Variants in NALF1 observed in about 807,000 individuals in gnomAD.
The protein encoded by NALF1 is NALCN channel auxiliary factor 1.
Under a neutral mutation model 48.4 loss-of-function variants are expected in NALF1, and 3 were observed. The observed-to-expected ratio is 0.06, with a 90% CI of 0.03 to 0.16. The LOEUF (loss-of-function observed/expected upper bound fraction) is 0.16, where lower values mean the gene tolerates loss of function less well. Among genes scored for constraint, NALF1 ranks in the 10% least tolerant of loss-of-function variants. NALF1 has a pLI of 1.00. For missense variants in NALF1, 526 were observed against 571.5 expected (o/e 0.92, Z 0.81); for synonymous variants, 262 against 245.7 (o/e 1.07, Z -0.62).
At chr13:107,611,983 A>G (rs75850458) in intron 1 of NALF1, among the ~76,000 whole-genome samples, 7,619 of 142,410 alleles carry the variant, frequency 0.054, 694 homozygotes, top group African/African-American at 0.19. Context: ...AAGAGAAGAG[A>G]AGAGGAGAGG....
chr13:107,621,375 C>T (rs561145691), intron 1 of NALF1, among the ~76,000 whole-genome samples: 21 of 152,154 alleles, frequency 1.4e-4, no homozygotes, highest in Non-Finnish European at 2.5e-4. Flanking sequence ...TTTCTAATAT[C>T]TATCAAGAAG....
intron 1 of NALF1, among the ~76,000 whole-genome samples, chr13:107,785,285 G>A (rs1247644745): frequency 1.3e-5 from 2 of 152,084 alleles, no homozygotes; most frequent in African/African-American, 2.4e-5. Flanking sequence ...CCACAAAACC[G>A]CTCCCCTCAG....
In NALF1 at chr13:107,250,485, A is replaced by G. The variant is rs962614770; in HGVS notation, c.916-39730T>C. The stretch of plus-strand genomic sequence containing the variant: ...TTGATGATCATATCTTATTTCTCAC[A>G]CAGGACTTTAATGGTGGTTTGAATT... On this transcript the variant is annotated intron_variant, in intron 1 of 2. Transcript: ENST00000375915. Among the ~76,000 whole-genome samples the G allele has an allele frequency of 3.3e-5, 5 of 152,166 alleles. 1 individual carries two copies. The highest frequency in any genetic ancestry group is 7.4e-5 in the Non-Finnish European group (5 of 68,026).
intron 1 of NALF1, among the ~76,000 whole-genome samples, chr13:107,216,405 A>G (rs1409742358): frequency 6.6e-6 from 1 of 152,210 alleles, no homozygotes; most frequent in Non-Finnish European, 1.5e-5. Context: ...ATCGTGATAT[A>G]TTCTGAAAGG....
intron 1 of NALF1, among the ~76,000 whole-genome samples, chr13:107,822,257 G>A (rs1399571912): frequency 6.6e-6 from 1 of 151,916 alleles, no homozygotes; most frequent in African/African-American, 2.4e-5. Context: ...ATGCACTTGT[G>A]TGGTGGAGCT....
At chr13:107,585,618 G>A (rs892053427) in intron 1 of NALF1, among the ~76,000 whole-genome samples, 10 of 152,230 alleles carry the variant, frequency 6.6e-5, no homozygotes, top group African/African-American at 1.4e-4. Context: ...TCTGGATGGC[G>A]GCTCCACTAT....
chr13:107,334,427 G>A, intron 1 of NALF1, among the ~76,000 whole-genome samples: 1 of 152,104 alleles, frequency 6.6e-6, no homozygotes, highest in East Asian at 1.9e-4. Context: ...CAAGCACTCT[G>A]CCCAATCAGC....
intron 1 of NALF1, among the ~76,000 whole-genome samples, chr13:107,211,731 G>A (rs906281266): frequency 5.3e-5 from 8 of 152,030 alleles, no homozygotes; most frequent in Non-Finnish European, 1.0e-4. Flanking sequence ...ACATTTTGCC[G>A]GTTATATTTT....
chr13:107,810,445 A>G (rs1594283772), intron 1 of NALF1, among the ~76,000 whole-genome samples: 1 of 152,080 alleles, frequency 6.6e-6, no homozygotes, highest in Non-Finnish European at 1.5e-5. Context: ...GTTCTTTCCC[A>G]TAACTACCTG....
At chr13:107,329,699 C>A (rs1276280362) in intron 1 of NALF1, among the ~76,000 whole-genome samples, 2 of 147,244 alleles carry the variant, frequency 1.4e-5, no homozygotes, top group African/African-American at 2.5e-5. Flanking sequence ...TGTTCCCCTT[C>A]CTGTGTCCAA....
intron 1 of NALF1, among the ~76,000 whole-genome samples, chr13:107,619,238 C>T (rs9301245): frequency 0.58 from 88,384 of 152,132 alleles, 28,086 homozygotes; most frequent in East Asian, 0.99. Flanking sequence ...TATGTTTATG[C>T]GCTCAGGTCG....
intron 1 of NALF1, among the ~76,000 whole-genome samples, chr13:107,549,957 C>T (rs1298058335): frequency 7.2e-5 from 11 of 151,904 alleles, no homozygotes; most frequent in Non-Finnish European, 1.6e-4. Flanking sequence ...CTTTGCTATT[C>T]ATGACCTTGG....
At chr13:107,436,390 G>A (rs553155549) in intron 1 of NALF1, among the ~76,000 whole-genome samples, 1 of 152,212 alleles carries the variant, frequency 6.6e-6, no homozygotes, top group Admixed American at 6.5e-5. Context: ...CAGACAATGT[G>A]ACTGGTTTAA....
chr13:107,537,474 A>G (rs1295105907), intron 1 of NALF1, among the ~76,000 whole-genome samples: 1 of 152,164 alleles, frequency 6.6e-6, no homozygotes, highest in African/African-American at 2.4e-5. Context: ...TTCTATAGTA[A>G]CAAAGTAATT....
intron 2 of NALF1, among the ~76,000 whole-genome samples, chr13:107,208,567 C>T (rs1248360289): frequency 6.6e-6 from 1 of 152,148 alleles, no homozygotes; most frequent in Non-Finnish European, 1.5e-5. Context: ...TTTTTGTCTA[C>T]TTTGAGAACT....
chr13:107,554,971 G>A (rs996297968), intron 1 of NALF1, among the ~76,000 whole-genome samples: 9 of 152,100 alleles, frequency 5.9e-5, no homozygotes, highest in African/African-American at 2.2e-4. Flanking sequence ...ACCTGTCCGG[G>A]GAGGCCTCTG....
At chr13:107,312,915 A>G (rs1473703614) in intron 1 of NALF1, among the ~76,000 whole-genome samples, 1 of 152,206 alleles carries the variant, frequency 6.6e-6, no homozygotes, top group Admixed American at 6.5e-5. Context: ...GTACCACAAG[A>G]TATTTGAGGA....
intron 1 of NALF1, among the ~76,000 whole-genome samples, chr13:107,294,368 C>T (rs901666778): frequency 2.0e-5 from 3 of 152,108 alleles, no homozygotes; most frequent in African/African-American, 4.8e-5. Flanking sequence ...TTAGATAACT[C>T]GTCCACGGTC....
intron 1 of NALF1, among the ~76,000 whole-genome samples, chr13:107,242,592 T>C (rs370956206): frequency 6.6e-6 from 1 of 152,370 alleles, no homozygotes; most frequent in African/African-American, 2.4e-5. Context: ...TATTTTTAAT[T>C]AATTGATTAA....
Sources: allele counts gnomAD v4.1 joint callset (sites outside exome capture counted in the v4.1 genomes callset), GRCh38; gene constraint gnomAD v4.1.1; transcripts MANE v1.5; gene names NCBI Gene and HGNC (gene_info 2026-07-23, HGNC 2026-07-21).